Variants in TMPRSS11E observed in about 807,000 individuals in gnomAD.
The protein encoded by TMPRSS11E is transmembrane serine protease 11E, also known as transmembrane protease serine 11E.
A neutral mutation model predicts 48.1 loss-of-function variants in TMPRSS11E; 38 were observed. The ratio of observed to expected loss-of-function variants is 0.79; its 90% CI spans 0.61 to 1.04. The LOEUF is 1.04. TMPRSS11E is among the 50% of genes least tolerant of loss of function. The probability of loss-of-function intolerance (pLI) is 0.00; values close to 1 mark genes in which losing one functional copy is unlikely to be tolerated. For missense variants in TMPRSS11E, 530 were observed against 510.8 expected (o/e 1.04, Z -0.36); for synonymous variants, 158 against 171.9 (o/e 0.92, Z 0.63).
chr4:68,470,805 G>A (rs922993245), intron 4 of TMPRSS11E, among the ~76,000 whole-genome samples: 1 of 151,808 alleles, frequency 6.6e-6, no homozygotes, highest in Admixed American at 6.6e-5. Flanking sequence ...GCTCTGTGTT[G>A]AAAATACAGT....
At chr4:68,455,681 T>TA (rs1260137647) in intron 1 of TMPRSS11E, among the ~76,000 whole-genome samples, 1 of 152,022 alleles carries the variant, frequency 6.6e-6, no homozygotes, top group African/African-American at 2.4e-5. Context: ...TTTCTTCTGA[T>TA]ACACTTGCAG....
chr4:68,492,218 A>C (rs1275863558), intron 9 of TMPRSS11E, among the ~76,000 whole-genome samples: 1 of 152,230 alleles, frequency 6.6e-6, no homozygotes, highest in African/African-American at 2.4e-5. Context: ...TGACTTGAAA[A>C]TATACTTGAT....
intron 1 of TMPRSS11E, among the ~76,000 whole-genome samples, chr4:68,458,871 A>G (rs1037924372): frequency 4.6e-5 from 7 of 152,128 alleles, no homozygotes. Context: ...TAAAATAATG[A>G]TGATGATAAT....
intron 9 of TMPRSS11E, among the ~76,000 whole-genome samples, chr4:68,480,363 T>A (rs531211885): frequency 2.6e-5 from 4 of 152,098 alleles, no homozygotes; most frequent in Non-Finnish European, 4.4e-5. Flanking sequence ...GTAATTTCAA[T>A]GTATCTTCAA....
At chr4:68,477,654 TA>T (rs774013655) in intron 8 of TMPRSS11E, 26 bp downstream of exon 8, 3 of 1,607,148 alleles carry the variant, frequency 1.9e-6, no homozygotes, top group South Asian at 1.1e-5. Flanking sequence ...GGAACTCAAG[TA>T]AAAGTTAAAT....
chr4:68,483,275 G>T (rs1161823354), intron 9 of TMPRSS11E, among the ~76,000 whole-genome samples: 1 of 151,986 alleles, frequency 6.6e-6, no homozygotes, highest in Non-Finnish European at 1.5e-5. Context: ...GGGAGGAGGT[G>T]CCACACACTT....
intron 4 of TMPRSS11E, among the ~76,000 whole-genome samples, chr4:68,470,183 A>G (rs189882742): frequency 1.9e-3 from 286 of 152,022 alleles, no homozygotes; most frequent in Non-Finnish European, 3.1e-3. Context: ...AAAAATTTGG[A>G]AGCATGGGTG....
In TMPRSS11E at chr4:68,496,910, T is replaced by A; in HGVS notation, c.*106T>A. ...AGAAGACTTGCAAAACAGCTAGATT[T>A]GACTGATCTCAATAAACTGTTTGCT... On this transcript the variant is annotated 3_prime_UTR_variant, in exon 10 of 10. Transcript: ENST00000305363. 5.3e-6 allele frequency: 6 copies of A among 1,137,616 alleles called. No homozygotes were observed. The highest frequency in any genetic ancestry group is 2.2e-4 in the Middle Eastern group (1 of 4,580). 70.5% of individuals were successfully genotyped at this position (1,137,616 alleles called of 1,614,324 possible).
intron 3 of TMPRSS11E, among the ~76,000 whole-genome samples, chr4:68,468,118 T>C (rs577829306): frequency 6.6e-6 from 1 of 152,050 alleles, no homozygotes; most frequent in Admixed American, 6.6e-5. Context: ...AGTAAAAAAA[T>C]TCGGAATTAA....
At chr4:68,461,739 T>C in intron 1 of TMPRSS11E, 82 bp from the exon 2 acceptor site, 2 of 1,593,178 alleles carry the variant, frequency 1.3e-6, no homozygotes, top group African/African-American at 1.3e-5. Flanking sequence ...ATGTCCTTTA[T>C]TCCCCCAAAA....
intron 1 of TMPRSS11E, among the ~76,000 whole-genome samples, chr4:68,460,973 C>T (rs1728774451): frequency 6.6e-6 from 1 of 151,880 alleles, no homozygotes; most frequent in African/African-American, 2.4e-5. Context: ...CTCCGCCTCC[C>T]AGGTTCACGC....
intron 8 of TMPRSS11E, 69 bp from the exon 9 acceptor site, chr4:68,478,780 T>C (rs1729315521): frequency 6.4e-7 from 1 of 1,553,976 alleles, no homozygotes; most frequent in South Asian, 1.1e-5. Context: ...TTCCTAATCA[T>C]GAAACATTTT....
rs151208965 is a variant in TMPRSS11E, at chr4:68,486,236, T to G, written c.1110+7245T>G. On this transcript the variant is annotated intron_variant, in intron 9 of 9. Transcript: ENST00000305363. ...AGTTCCTCAAGGTGTGATGCTACAT[T>G]GTTAATTTAAGATATTTATATCTTT... Among the ~76,000 whole-genome samples, 848 of 152,284 alleles carry G rather than the reference T, an allele frequency of 5.6e-3. 8 individuals carry two copies. The highest frequency in any genetic ancestry group is 0.019 in the African/African-American group (783 of 41,568).
chr4:68,460,559 A>G (rs999282376), intron 1 of TMPRSS11E, among the ~76,000 whole-genome samples: 9 of 152,156 alleles, frequency 5.9e-5, no homozygotes, highest in African/African-American at 2.2e-4. Context: ...GTACTCCTCC[A>G]GGAGAATACC....
chr4:68,487,941 CAAAAAAAAA>C (rs56299530), intron 9 of TMPRSS11E, among the ~76,000 whole-genome samples: 1 of 89,974 alleles, frequency 1.1e-5, no homozygotes, highest in African/African-American at 4.6e-5. Context: ...GACTCTGTCT[CAAAAAAAAA>C]AAAAAAAAAA....
At chr4:68,478,299 G>A (rs530080658) in intron 8 of TMPRSS11E, among the ~76,000 whole-genome samples, 6 of 151,070 alleles carry the variant, frequency 4.0e-5, no homozygotes, top group African/African-American at 1.5e-4. Flanking sequence ...GGGACTACAG[G>A]TGCCCGCCTA....
chr4:68,466,904 T>C (rs1027989825), intron 3 of TMPRSS11E, 152 bp downstream of exon 3: 1 of 967,826 alleles, frequency 1.0e-6, no homozygotes, highest in South Asian at 1.4e-5. Context: ...TAAAACAAAA[T>C]GGACAATACA....
Position 68,496,770 on chromosome 4 carries a change from T to G in TMPRSS11E, c.1238T>G (p.Leu413Trp). The change falls in exon 10 of 10, where the codon TTG (leucine) becomes TGG (tryptophan). Residue 413 changes from leucine to tryptophan, a missense_variant. Transcript: ENST00000305363. ...GGTGTTTATACTAGAGTTACGGCCT[T>G]GCGGGACTGGATTACTTCAAAAACT... ...KPGVYTRVTA[L>W]RDWITSKTGI The G allele has an allele frequency of 6.2e-7, 1 of 1,613,290 alleles. No individual in the cohort carries two copies.
At position 68,497,563 on chromosome 4, in the gene TMPRSS11E, A is replaced by T. The variant is rs1200685295; in HGVS notation, c.*759A>T. 6.6e-6 allele frequency: 1 copy of T among 152,156 alleles called. No individual in the cohort carries two copies. 9.4% of individuals were successfully genotyped at this position (152,156 alleles called of 1,614,324 possible). A position where few individuals can be genotyped will look rare whatever the true frequency, so the allele number is the denominator to read the frequency against. On this transcript the variant is annotated 3_prime_UTR_variant, in exon 10 of 10. Coordinates refer to ENST00000305363, the MANE Select transcript of TMPRSS11E (RefSeq NM_014058.4). Reference sequence around the variant, plus strand: ...AAGCAAATATTTATTTAACATTGTTACTGAGGATGTCAACATATAACAATA... The same window carrying T: ...AAGCAAATATTTATTTAACATTGTTTCTGAGGATGTCAACATATAACAATA...
Sources: gnomAD v4.1 joint callset for allele counts (sites outside exome capture counted in the v4.1 genomes callset) on GRCh38, gnomAD v4.1.1 for gene constraint, MANE v1.5 for transcripts, NCBI Gene and HGNC (gene_info 2026-07-23, HGNC 2026-07-21) for gene names.